The following SHISA6 variants were observed in gnomAD, a reference collection of about 807,000 sequenced individuals.
SHISA6 encodes the protein shisa family member 6, also known as protein shisa-6.
In SHISA6, 22 loss-of-function variants were observed where a neutral mutation model predicts 47.9. The observed-to-expected ratio is 0.46, with a 90% CI of 0.33 to 0.66. The LOEUF is 0.66. SHISA6 is among the 30% of genes least tolerant of loss of function. The pLI, the probability that SHISA6 is intolerant of heterozygous loss-of-function variation, is 0.02. For missense variants in SHISA6, 680 were observed against 764.6 expected (o/e 0.89, Z 1.30); for synonymous variants, 388 against 337.8 (o/e 1.15, Z -1.63).
At chr17:11,509,545 G>T (rs1275260995) in intron 3 of SHISA6, among the ~76,000 whole-genome samples, 1 of 152,172 alleles carries the variant, frequency 6.6e-6, no homozygotes, top group Admixed American at 6.5e-5. Context: ...CTGTTTACTG[G>T]ATACTCACAG....
At chr17:11,531,164 A>C (rs1231473444) in intron 3 of SHISA6, among the ~76,000 whole-genome samples, 1 of 151,082 alleles carries the variant, frequency 6.6e-6, no homozygotes, top group East Asian at 1.9e-4. Context: ...CTGGGTCATC[A>C]GCTGGTGCCA....
chr17:11,435,876 G>A (rs559319491), intron 3 of SHISA6, among the ~76,000 whole-genome samples: 1 of 152,218 alleles, frequency 6.6e-6, no homozygotes, highest in African/African-American at 2.4e-5. Context: ...ATGCACCATC[G>A]CTTTACCTGA....
Position 11,563,514 on chromosome 17 carries a change from T to G in SHISA6, c.*5210T>G, listed in dbSNP as rs2072065125. The G allele has an allele frequency of 6.6e-6, 1 of 152,198 alleles. No individual in the cohort carries two copies. The highest frequency in any genetic ancestry group is 2.4e-5 in the African/African-American group (1 of 41,452). The allele number at this position is 152,198 out of a possible 1,614,324, so 9.4% of individuals were successfully genotyped here. A position where few individuals can be genotyped will look rare whatever the true frequency, so the allele number is the denominator to read the frequency against. On this transcript the variant is annotated 3_prime_UTR_variant, in exon 6 of 6. Coordinates refer to ENST00000441885, the MANE Select transcript of SHISA6 (RefSeq NM_207386.4). ...GAGAAATAATGTTGTGGCTGTGTGT[T>G]TCCTTAATGCTCTCCCTCCTGAGGG...
chr17:11,506,880 T>C (rs79618267), intron 3 of SHISA6, among the ~76,000 whole-genome samples: 1,808 of 152,204 alleles, frequency 0.012, 35 homozygotes, highest in African/African-American at 0.042. Flanking sequence ...TGTAGGGAGA[T>C]TGACAGGAAG....
At chr17:11,510,115 C>T (rs1388141020) in intron 3 of SHISA6, among the ~76,000 whole-genome samples, 1 of 152,038 alleles carries the variant, frequency 6.6e-6, no homozygotes, top group Non-Finnish European at 1.5e-5. Flanking sequence ...GTCCCTTCCT[C>T]TTGGTGGTCC....
intron 3 of SHISA6, among the ~76,000 whole-genome samples, chr17:11,437,780 G>A (rs770047982): frequency 4.6e-5 from 7 of 152,144 alleles, no homozygotes; most frequent in African/African-American, 9.7e-5. Context: ...GTCCCAATGC[G>A]TAAAAGGTTC....
At chr17:11,370,378 T>G (rs1326651733) in intron 2 of SHISA6, among the ~76,000 whole-genome samples, 1 of 152,188 alleles carries the variant, frequency 6.6e-6, no homozygotes, top group Non-Finnish European at 1.5e-5. Flanking sequence ...CCTTCTTTGC[T>G]CTTGGTCTCA....
At chr17:11,526,931 AT>A (rs1567629873) in intron 3 of SHISA6, among the ~76,000 whole-genome samples, 3 of 27,164 alleles carry the variant, frequency 1.1e-4, no homozygotes, top group African/African-American at 5.0e-4. Flanking sequence ...ATATATATAT[AT>A]ATATTATAAT....
At chr17:11,364,194 C>T (rs1332851326) in intron 2 of SHISA6, among the ~76,000 whole-genome samples, 1 of 152,128 alleles carries the variant, frequency 6.6e-6, no homozygotes, top group Non-Finnish European at 1.5e-5. Flanking sequence ...TTCAACTATC[C>T]ATCTCCCCCT....
chr17:11,314,840 C>T (rs889223379), intron 2 of SHISA6, among the ~76,000 whole-genome samples: 1 of 152,098 alleles, frequency 6.6e-6, no homozygotes, highest in African/African-American at 2.4e-5. Context: ...GCACCTGGCC[C>T]ATGCTCGTTT....
At chr17:11,392,099 TA>T (rs1451513595) in intron 3 of SHISA6, among the ~76,000 whole-genome samples, 2 of 152,352 alleles carry the variant, frequency 1.3e-5, no homozygotes, top group African/African-American at 4.8e-5. Context: ...CCAGAGCTCA[TA>T]AAGTATTCAT....
rs967111889 is a variant in SHISA6 at position 11,419,444 on chromosome 17, T to C, written c.895+39935T>C. Among the ~76,000 whole-genome samples the C allele has an allele frequency of 8.5e-5, 13 of 152,142 alleles. No individual in the cohort carries two copies. The East Asian group carries it at 1.9e-3, about 23-fold the overall frequency. On this transcript the variant is annotated intron_variant, in intron 3 of 5. Coordinates refer to ENST00000441885, the MANE Select transcript of SHISA6 (RefSeq NM_207386.4). ...AAGTTTTAGGACAATTTGGAGGGTG[T>C]TGGGGTAATTAGAAAAAATTCTTCA...
At chr17:11,281,774 A>G (rs1909127369) in intron 2 of SHISA6, among the ~76,000 whole-genome samples, 1 of 152,214 alleles carries the variant, frequency 6.6e-6, no homozygotes, top group African/African-American at 2.4e-5. Context: ...GGAAGATTTT[A>G]AACTACAAGT....
intron 3 of SHISA6, among the ~76,000 whole-genome samples, chr17:11,398,285 A>G (rs1913643598): frequency 6.6e-6 from 1 of 152,196 alleles, no homozygotes; most frequent in African/African-American, 2.4e-5. Flanking sequence ...TTCTATTAGT[A>G]CAAAAAATAC....
chr17:11,293,078 G>A (rs1466453437), intron 2 of SHISA6, among the ~76,000 whole-genome samples: 1 of 152,030 alleles, frequency 6.6e-6, no homozygotes, highest in Non-Finnish European at 1.5e-5. Flanking sequence ...AGCTGCCTTG[G>A]CCTCCCAAAG....
chr17:11,508,266 C>G (rs2142352569), intron 3 of SHISA6, among the ~76,000 whole-genome samples: 1 of 152,344 alleles, frequency 6.6e-6, no homozygotes, highest in South Asian at 2.1e-4. Flanking sequence ...TTATTTCTCA[C>G]TGTTCTGGAG....
chr17:11,507,344 G>A (rs576866341), intron 3 of SHISA6, among the ~76,000 whole-genome samples: 16 of 152,202 alleles, frequency 1.1e-4, no homozygotes, highest in African/African-American at 2.6e-4. Flanking sequence ...TCTTGGCCCC[G>A]ATGATGTATG....
intron 3 of SHISA6, among the ~76,000 whole-genome samples, chr17:11,435,689 C>A (rs778732762): frequency 5.8e-4 from 88 of 152,210 alleles, no homozygotes; most frequent in Non-Finnish European, 1.1e-3. Flanking sequence ...TCGGATGCCC[C>A]AAAGGCTCAT....
At chr17:11,513,449 A>G (rs1445887853) in intron 3 of SHISA6, among the ~76,000 whole-genome samples, 1 of 152,176 alleles carries the variant, frequency 6.6e-6, no homozygotes, top group Non-Finnish European at 1.5e-5. Flanking sequence ...TATTTCTTCT[A>G]TGAATTTCTG....
Sources: gnomAD v4.1 joint callset for allele counts (sites outside exome capture counted in the v4.1 genomes callset) on GRCh38, gnomAD v4.1.1 for gene constraint, MANE v1.5 for transcripts, NCBI Gene and HGNC (gene_info 2026-07-23, HGNC 2026-07-21) for gene names.